Variants in CPNE8 observed in about 807,000 individuals in gnomAD.
The protein encoded by CPNE8 is copine 8, also known as copine-8.
Under a neutral mutation model 81.5 loss-of-function variants are expected in CPNE8, and 45 were observed. That is an observed-to-expected ratio of 0.55 (90% CI 0.44 to 0.71). The LOEUF (loss-of-function observed/expected upper bound fraction) is 0.71. Among genes scored for constraint, CPNE8 ranks in the 30% least tolerant of loss-of-function variants. The pLI, the probability that CPNE8 is intolerant of heterozygous loss-of-function variation, is 0.00. For missense variants in CPNE8, 594 were observed against 672.1 expected (o/e 0.88, Z 1.28); for synonymous variants, 252 against 226.3 (o/e 1.11, Z -1.02).
At chr12:38,661,612 T>C (rs1369237658) in intron 19 of CPNE8, among the ~76,000 whole-genome samples, 1 of 151,762 alleles carries the variant, frequency 6.6e-6, no homozygotes, top group Non-Finnish European at 1.5e-5. Context: ...AATAAGTAAA[T>C]AAATAAAATT....
At position 38,776,273 on chromosome 12, in the gene CPNE8, T is replaced by C. The variant is rs143674329; in HGVS notation, c.436A>G (p.Ile146Val). The C allele has an allele frequency of 6.8e-4, 1,052 of 1,547,554 alleles. 9 individuals carry two copies. In the African/African-American group the frequency reaches 0.013, roughly 19 times the overall value. The change falls in exon 7 of 20, where the codon ATC (isoleucine) becomes GTC (valine). Residue 146 changes from isoleucine (I) to valine (V), a missense_variant. Ile to Val is a conservative substitution (Grantham distance 29). Transcript: ENST00000331366. ...TTTAATTCCTCTGCTGTAAGTATGATTGTACCACATTTCTTCCCTGGAATT... is the reference window on the plus strand; with the variant it reads ...TTTAATTCCTCTGCTGTAAGTATGACTGTACCACATTTCTTCCCTGGAATT... ...VGIPGKKCGTIILTAEELNCC... is the reference protein window; with the variant it reads ...VGIPGKKCGTVILTAEELNCC...
intron 1 of CPNE8, 40 bp from the exon 2 acceptor site, chr12:38,874,551 CA>C (rs1409523692): frequency 2.3e-6 from 3 of 1,319,078 alleles, no homozygotes; most frequent in Non-Finnish European, 3.2e-6. Flanking sequence ...GATATAAAAG[CA>C]AAATATTTAT....
rs140707643 is a variant in CPNE8 at position 38,795,989 on chromosome 12, C to T, written c.408-19688G>A. ...TAAAATCCTGAACTCAGGCCAGGAACGGTGGTCACGCCTGTAATCCCAGCA... is the reference window on the plus strand; with the variant it reads ...TAAAATCCTGAACTCAGGCCAGGAATGGTGGTCACGCCTGTAATCCCAGCA... On this transcript the variant is annotated intron_variant, in intron 6 of 19. Transcript: ENST00000331366. 9.5e-3 allele frequency among the ~76,000 whole-genome samples: 1,438 copies of T among 152,134 alleles called. 30 individuals are homozygous for T. Among genetic ancestry groups the T allele is most frequent in the African/African-American group, 0.032 (1,317 of 41,504 alleles).
intron 13 of CPNE8, among the ~76,000 whole-genome samples, chr12:38,722,029 C>A (rs1393258421): frequency 2.0e-5 from 3 of 152,142 alleles, no homozygotes; most frequent in African/African-American, 7.2e-5. Context: ...AAAAGTGCAG[C>A]CTGCTAGGCC....
chr12:38,787,315 A>G (rs1033239260), intron 6 of CPNE8, among the ~76,000 whole-genome samples: 1 of 152,126 alleles, frequency 6.6e-6, no homozygotes, highest in African/African-American at 2.4e-5. Flanking sequence ...TTGAGAAAAT[A>G]TAGAAACACA....
chr12:38,814,373 G>C (rs374524773), intron 6 of CPNE8, among the ~76,000 whole-genome samples: 1 of 125,214 alleles, frequency 8.0e-6, no homozygotes, highest in East Asian at 2.5e-4. Flanking sequence ...CTGGAGTGCA[G>C]TGGTGCAATC....
At chr12:38,703,019 C>T (rs893218774) in intron 13 of CPNE8, 98 bp from the exon 14 acceptor site, 1 of 821,324 alleles carries the variant, frequency 1.2e-6, no homozygotes. Context: ...CACTGATTTT[C>T]TCAAACGTTA....
rs1259773697 is a variant in CPNE8, at chr12:38,902,343, A to G, written c.98+3094T>C. ...AAGAAAGAAAGAAAGAAAGAAAGAA[A>G]GAAAGAAAGAAAGAAAGAAAGAAAG... is the stretch of plus-strand genomic sequence containing the variant. On this transcript the variant is annotated intron_variant, in intron 1 of 19. Transcript: ENST00000331366. Among the ~76,000 whole-genome samples, 559 of 83,532 alleles carry G rather than the reference A, an allele frequency of 6.7e-3. 25 individuals carry two copies. Among genetic ancestry groups the G allele is most frequent in the Middle Eastern group, 9.7e-3 (2 of 206 alleles). The allele number at this position is 83,532 out of a possible 152,430, so 54.8% of individuals were successfully genotyped here.
intron 6 of CPNE8, among the ~76,000 whole-genome samples, chr12:38,777,903 C>T (rs973067965): frequency 2.0e-5 from 3 of 152,096 alleles, no homozygotes; most frequent in African/African-American, 7.2e-5. Context: ...CTTGTCAGAT[C>T]AGCAGCAGCA....
At chr12:38,857,587 A>C (rs946131732) in intron 3 of CPNE8, among the ~76,000 whole-genome samples, 1 of 152,210 alleles carries the variant, frequency 6.6e-6, no homozygotes, top group Non-Finnish European at 1.5e-5. Context: ...ATTATTTCTT[A>C]TGTAAGGACA....
At chr12:38,655,314 G>A (rs1353569968) in intron 19 of CPNE8, among the ~76,000 whole-genome samples, 1 of 152,060 alleles carries the variant, frequency 6.6e-6, no homozygotes, top group Non-Finnish European at 1.5e-5. Flanking sequence ...GGTTACTTAA[G>A]TTAATAAACA....
chr12:38,820,279 C>T (rs901360664), intron 6 of CPNE8, among the ~76,000 whole-genome samples: 1 of 151,854 alleles, frequency 6.6e-6, no homozygotes, highest in Non-Finnish European at 1.5e-5. Context: ...GTGATGTGCA[C>T]CTATAATCCT....
chr12:38,810,542 T>C (rs1035106327), intron 6 of CPNE8, among the ~76,000 whole-genome samples: 6 of 152,158 alleles, frequency 3.9e-5, no homozygotes, highest in Non-Finnish European at 5.9e-5. Context: ...TTCTAAGTTT[T>C]TTCTAACATG....
At chr12:38,893,786 A>G (rs912782482) in intron 1 of CPNE8, among the ~76,000 whole-genome samples, 1 of 152,260 alleles carries the variant, frequency 6.6e-6, no homozygotes, top group Non-Finnish European at 1.5e-5. Flanking sequence ...AAGATAATAA[A>G]TAACTTTTAC....
intron 5 of CPNE8, among the ~76,000 whole-genome samples, chr12:38,836,911 T>C (rs1718699646): frequency 6.6e-6 from 1 of 152,214 alleles, no homozygotes; most frequent in Non-Finnish European, 1.5e-5. Context: ...TAGTCATCTC[T>C]AACAGTTCTT....
chr12:38,702,888 A>G lies in CPNE8; in HGVS notation c.948T>C (p.Phe316=). 6.4e-7 allele frequency: 1 copy of G among 1,566,310 alleles called. No homozygotes were observed. Among genetic ancestry groups the G allele is most frequent in the Non-Finnish European group, 8.7e-7 (1 of 1,153,568 alleles). ...TQINFTVAID[F]TASNGNPAQP... ...CAAAACACTCACCGTTTGATGCTGT[A>G]AAATCAATAGCCACTGTGAAATTGA... Residue 316 remains phenylalanine (F), a synonymous_variant, in exon 14 of 20, where the codon TTT becomes TTC. Transcript: ENST00000331366.
intron 15 of CPNE8, among the ~76,000 whole-genome samples, chr12:38,688,823 G>A (rs1002259891): frequency 1.3e-5 from 2 of 152,054 alleles, no homozygotes; most frequent in African/African-American, 4.8e-5. Context: ...AGACTGGCGG[G>A]GAAAGGTGGG....
chr12:38,839,830 A>C (rs1943440113), intron 5 of CPNE8, 86 bp downstream of exon 5: 1 of 1,176,866 alleles, frequency 8.5e-7, no homozygotes, highest in East Asian at 2.8e-5. Context: ...ATAACTTAAT[A>C]GATGTATAAC....
intron 16 of CPNE8, among the ~76,000 whole-genome samples, chr12:38,677,992 G>T (rs1372552875): frequency 5.9e-5 from 9 of 151,958 alleles, no homozygotes; most frequent in African/African-American, 2.2e-4. Flanking sequence ...AATTAATGAA[G>T]AATTGCATGT....
Sources: gnomAD v4.1 joint callset for allele counts (sites outside exome capture counted in the v4.1 genomes callset) on GRCh38, gnomAD v4.1.1 for gene constraint, MANE v1.5 for transcripts, NCBI Gene and HGNC (gene_info 2026-07-23, HGNC 2026-07-21) for gene names.